SPOCK2: variants seen among roughly 807,000 people sequenced by gnomAD.
The protein encoded by SPOCK2 is SPARC (osteonectin), cwcv and kazal like domains proteoglycan 2.
SPOCK2 carries 39 observed loss-of-function variants against 60.1 expected under a neutral mutation model. The ratio of observed to expected loss-of-function variants is 0.65; its 90% CI spans 0.50 to 0.85. SPOCK2 has a LOEUF of 0.85. Ranked by LOEUF, SPOCK2 falls within the 40% of genes least tolerant of loss-of-function variation. SPOCK2 has a pLI of 0.00. For missense variants in SPOCK2, 523 were observed against 567.4 expected (o/e 0.92, Z 0.80); for synonymous variants, 217 against 231.5 (o/e 0.94, Z 0.57).
Position 72,070,383 on chromosome 10 carries a change from T to C in SPOCK2, c.403A>G (p.Ile135Val). The change falls in exon 5 of 11, where the codon ATC becomes GTC. Residue 135 changes from isoleucine to valine, a missense_variant. Transcript: ENST00000373109. ...TGGGCCATGTGGCAGGGCTTGCAGATGGAGTCTTTGTTTCCATGGAGTTTC... is the reference window on the plus strand; with the variant it reads ...TGGGCCATGTGGCAGGGCTTGCAGACGGAGTCTTTGTTTCCATGGAGTTTC... Reference protein sequence around the residue: ...TVKLHGNKDSICKPCHMAQLA... With the variant: ...TVKLHGNKDSVCKPCHMAQLA... The C allele has an allele frequency of 6.2e-7, 1 of 1,614,148 alleles. No individual in the cohort carries two copies. The highest frequency in any genetic ancestry group is 1.1e-5 in the South Asian group (1 of 91,082).
At chr10:72,069,774 C>T (rs1840620081) in intron 5 of SPOCK2, among the ~76,000 whole-genome samples, 1 of 152,146 alleles carries the variant, frequency 6.6e-6, no homozygotes, top group Non-Finnish European at 1.5e-5. Context: ...TTTTTAAATG[C>T]TTTCTCAAAT....
chr10:72,078,970 C>T (rs1240696436), intron 1 of SPOCK2, among the ~76,000 whole-genome samples: 1 of 152,206 alleles, frequency 6.6e-6, no homozygotes, highest in Non-Finnish European at 1.5e-5. Flanking sequence ...CCTAGTAATA[C>T]ACACTCCTAA....
In SPOCK2 at chr10:72,063,325, A is replaced by C. The variant is rs565262244; in HGVS notation, c.992-163T>G. ...AACAGGCCCAGATGCTGAGAGCTGG[A>C]CACCAGCCAGCAATTCTTTCGGCTC... On this transcript the variant is annotated intron_variant, in intron 9 of 10. Coordinates refer to ENST00000373109, the MANE Select transcript of SPOCK2 (RefSeq NM_001244950.2). Among the ~76,000 whole-genome samples, 164 of 152,168 alleles carry C rather than the reference A, an allele frequency of 1.1e-3. 1 individual carries two copies. The highest frequency in any genetic ancestry group is 2.7e-3 in the South Asian group (13 of 4,826).
At chr10:72,066,768 G>A in intron 8 of SPOCK2, 134 bp downstream of exon 8, 1 of 964,710 alleles carries the variant, frequency 1.0e-6, no homozygotes, top group Non-Finnish European at 1.6e-6. Flanking sequence ...AGTGCAGGAA[G>A]TGGGCAAGCT....
At chr10:72,076,096 A>G (rs1241204534) in intron 1 of SPOCK2, among the ~76,000 whole-genome samples, 1 of 152,126 alleles carries the variant, frequency 6.6e-6, no homozygotes, top group African/African-American at 2.4e-5. Context: ...AGGAACCCCA[A>G]AAAAGTGGAG....
chr10:72,074,874 G>A (rs1447530644), intron 1 of SPOCK2, among the ~76,000 whole-genome samples: 3 of 150,504 alleles, frequency 2.0e-5, no homozygotes, highest in Non-Finnish European at 4.4e-5. Context: ...CCCTCTGCTC[G>A]GCCCACACCT....
Position 72,062,915 on chromosome 10 carries a change from G to GA in SPOCK2, c.1130-11dup. ...AAGCCCACGATGTCATCTGTGAGGG[G>GA]ATCAAGCCAACAGGGGGTGAGGGAG... On this transcript the variant is annotated splice_polypyrimidine_tract_variant and intron_variant, in intron 10 of 10. Coordinates refer to ENST00000373109, the MANE Select transcript of SPOCK2 (RefSeq NM_001244950.2). The surrounding 1 kb of genome is among the most constrained non-coding windows in gnomAD (Gnocchi z 4.3). 1 of 1,596,894 alleles carries GA rather than the reference G, an allele frequency of 6.3e-7. No homozygotes were observed. Among genetic ancestry groups the GA allele is most frequent in the African/African-American group, 1.3e-5 (1 of 74,706 alleles).
chr10:72,060,196 A>G lies in SPOCK2; in HGVS notation c.*2564T>C, dbSNP rs559652175. 9.2e-5 allele frequency: 14 copies of G among 152,400 alleles called. No homozygotes were observed. Among genetic ancestry groups the G allele is most frequent in the African/African-American group, 3.4e-4 (14 of 41,590 alleles). 9.4% of individuals were successfully genotyped at this position (152,400 alleles called of 1,614,324 possible). On this transcript the variant is annotated 3_prime_UTR_variant, in exon 11 of 11. Transcript: ENST00000373109. ...CACTTTGAGGCCGCCCTTCAGCTCC[A>G]CAGGGAGCTGCTGTTTTGTCTACCT...
At position 72,061,649 on chromosome 10, in the gene SPOCK2, C is replaced by T. The variant is rs924306157; in HGVS notation, c.*1111G>A. 6.5e-6 allele frequency: 1 copy of T among 152,742 alleles called. No individual in the cohort carries two copies. Among genetic ancestry groups the T allele is most frequent in the African/African-American group, 2.4e-5 (1 of 41,420 alleles). The allele number at this position is 152,742 out of a possible 1,614,324, so 9.5% of individuals were successfully genotyped here. A position where few individuals can be genotyped will look rare whatever the true frequency, so the allele number is the denominator to read the frequency against. ...AGACCCAGGCTCCTTGCCTGCTGCT[C>T]CTGGCCCTCAGGCGCCCTCAAGTGG... On this transcript the variant is annotated 3_prime_UTR_variant, in exon 11 of 11. Coordinates refer to ENST00000373109, the MANE Select transcript of SPOCK2 (RefSeq NM_001244950.2).
At chr10:72,088,038 A>C in intron 1 of SPOCK2, 102 bp downstream of exon 1, 1 of 1,418,324 alleles carries the variant, frequency 7.1e-7, no homozygotes, top group Non-Finnish European at 9.7e-7. Context: ...CAGGCTGCGG[A>C]GCCTCGGGCT....
intron 8 of SPOCK2, 51 bp from the exon 9 acceptor site, chr10:72,064,291 G>T (rs749778772): frequency 1.7e-5 from 25 of 1,503,668 alleles, no homozygotes; most frequent in Non-Finnish European, 1.9e-5. Flanking sequence ...GTGCTGGGGG[G>T]ATGCACTGAG....
chr10:72,072,022 A>G (rs898364186), intron 4 of SPOCK2, 122 bp downstream of exon 4: 3 of 735,128 alleles, frequency 4.1e-6, no homozygotes, highest in Non-Finnish European at 6.2e-6. Context: ...TGCTGTTTTA[A>G]GCACTAAGTT....
intron 2 of SPOCK2, 29 bp downstream of exon 2, chr10:72,072,873 C>A (rs1589121612): frequency 6.4e-7 from 1 of 1,553,062 alleles, no homozygotes; most frequent in Non-Finnish European, 8.7e-7. Context: ...GCAGAGACCA[C>A]ACAGAGTGGG....
intron 1 of SPOCK2, among the ~76,000 whole-genome samples, chr10:72,077,419 T>C (rs989878451): frequency 9.9e-5 from 15 of 152,260 alleles, no homozygotes; most frequent in African/African-American, 3.4e-4. Context: ...CATGAGCCAC[T>C]GTGCCCTTCC....
At position 72,068,247 on chromosome 10, in the gene SPOCK2, C is replaced by A; in HGVS notation, c.529G>T (p.Glu177Ter). ...LSSKQLAVRCEGPCPCPTEQA... is the reference protein window; with the variant it reads ...LSSKQLAVRC Reference sequence around the variant, plus strand: ...TCCGTGGGGCAGGGGCAGGGGCCCTCGCATCGCACCGCCAGCTGCTTGCTG... The same window carrying A: ...TCCGTGGGGCAGGGGCAGGGGCCCTAGCATCGCACCGCCAGCTGCTTGCTG... Residue 177 changes from glutamate (E) to a stop codon, truncating the protein, a stop_gained, in exon 6 of 11, where the codon GAG (glutamate) becomes TAG (stop). Coordinates refer to ENST00000373109, the MANE Select transcript of SPOCK2 (RefSeq NM_001244950.2). LOFTEE classifies it high-confidence loss of function. The A allele has an allele frequency of 1.2e-6, 2 of 1,611,868 alleles. 1 individual carries two copies. The highest frequency in any genetic ancestry group is 2.2e-5 in the South Asian group (2 of 90,678).
chr10:72,086,707 T>C (rs1734809979), intron 1 of SPOCK2: 21 of 1,355,214 alleles, frequency 1.5e-5, no homozygotes, highest in Non-Finnish European at 2.0e-5. Context: ...CAGCAGCCCA[T>C]CGCGGGGCCC....
At position 72,066,761 on chromosome 10, in the gene SPOCK2, G is replaced by A. The variant is rs1840573491; in HGVS notation, c.928+141C>T. ...TTAAGGGATGAAGCCCTAAGGGAGT[G>A]CAGGAAGTGGGCAAGCTGGGAAAGT... On this transcript the variant is annotated intron_variant, in intron 8 of 10. Coordinates refer to ENST00000373109, the MANE Select transcript of SPOCK2 (RefSeq NM_001244950.2). 12 of 870,136 alleles carry A rather than the reference G, an allele frequency of 1.4e-5. No homozygotes were observed. In the South Asian group the frequency reaches 1.5e-4, roughly 11 times the overall value. The allele number at this position is 870,136 out of a possible 1,614,324, so 53.9% of individuals were successfully genotyped here. A position where few individuals can be genotyped will look rare whatever the true frequency, so the allele number is the denominator to read the frequency against.
chr10:72,081,457 G>A (rs1160183861), intron 1 of SPOCK2, among the ~76,000 whole-genome samples: 1 of 152,210 alleles, frequency 6.6e-6, no homozygotes, highest in Non-Finnish European at 1.5e-5. Context: ...GACAGCAGGA[G>A]GGGGCTGGAC....
rs1433076054 is a variant in SPOCK2, at chr10:72,063,139, C to T, written c.1015G>A (p.Glu339Lys). 3 of 1,556,628 alleles carry T rather than the reference C, an allele frequency of 1.9e-6. No individual in the cohort carries two copies. Among genetic ancestry groups the T allele is most frequent in the South Asian group, 1.2e-5 (1 of 84,314 alleles). The change falls in exon 10 of 11, where the codon GAG becomes AAG. Residue 339 changes from glutamate (E) to lysine (K), a missense_variant. Glu to Lys is a moderately conservative substitution (Grantham distance 56). Transcript: ENST00000373109. ...TGCATCTTCCGGTAGTAGCCATCCT[C>T]GTCGCAGCTCGGGATGAAGATGCCT... ...KPGIFIPSCD[E>K]DGYYRKMQCD...
Sources: allele counts gnomAD v4.1 joint callset (sites outside exome capture counted in the v4.1 genomes callset), GRCh38; gene constraint gnomAD v4.1.1; non-coding constraint Gnocchi (gnomAD v3.1); transcripts MANE v1.5; gene names NCBI Gene and HGNC (gene_info 2026-07-23, HGNC 2026-07-21).